UIMC1: variants seen among roughly 807,000 people sequenced by gnomAD.
The protein encoded by UIMC1 is BRCA1-A complex subunit RAP80.
Under a neutral mutation model 84.9 loss-of-function variants are expected in UIMC1, and 42 were observed. The ratio of observed to expected loss-of-function variants is 0.49; its 90% confidence interval spans 0.39 to 0.64. UIMC1 has a LOEUF of 0.64. Ranked by LOEUF, UIMC1 falls within the 30% of genes least tolerant of loss-of-function variation. The probability of loss-of-function intolerance (pLI) is 0.00; values close to 1 mark genes in which losing one functional copy is unlikely to be tolerated. For missense variants in UIMC1, 825 were observed against 847.6 expected, an observed-to-expected ratio of 0.97 and a Z score of 0.33; for synonymous variants, 281 against 293.0, an observed-to-expected ratio of 0.96 and a Z score of 0.42.
At chr5:176,929,911 T>C (rs1483974537) in intron 10 of UIMC1, among the ~76,000 whole-genome samples, 1 of 152,154 alleles carries the variant, frequency 6.6e-6, no homozygotes. Context: ...ACACTGGATA[T>C]TGTCATCAGA....
chr5:176,996,475 T>C (rs921639614), intron 1 of UIMC1, among the ~76,000 whole-genome samples: 2 of 151,934 alleles, frequency 1.3e-5, no homozygotes, highest in Non-Finnish European at 2.9e-5. Context: ...TGTAAGGAGG[T>C]TGACAAATCT....
intron 2 of UIMC1, among the ~76,000 whole-genome samples, chr5:176,977,587 AAAAAAAAAAAGAAAAG>A (rs1236498489): frequency 6.8e-6 from 1 of 146,668 alleles, no homozygotes; most frequent in African/African-American, 2.7e-5. Flanking sequence ...CATCTCAAAA[AAAAAAAAAAAGAAAAG>A]AAAAAAAAAA....
intron 6 of UIMC1, among the ~76,000 whole-genome samples, chr5:176,965,133 C>T (rs1349058133): frequency 6.6e-6 from 1 of 152,154 alleles, no homozygotes; most frequent in Non-Finnish European, 1.5e-5. Flanking sequence ...TATTTTAAAA[C>T]TTCTGAAGCC....
intron 6 of UIMC1, among the ~76,000 whole-genome samples, chr5:176,959,992 T>C (rs532425476): frequency 1.5e-4 from 22 of 151,654 alleles, no homozygotes; most frequent in Admixed American, 1.0e-3. Context: ...GATCGTGCTA[T>C]TGCACTCCAG....
At chr5:177,004,990 G>A (rs1404933869) in intron 1 of UIMC1, among the ~76,000 whole-genome samples, 1 of 152,136 alleles carries the variant, frequency 6.6e-6, no homozygotes, top group Non-Finnish European at 1.5e-5. Context: ...TGGTCCAAAG[G>A]TCAAGCAATC....
chr5:176,975,734 G>A (rs1192434768), intron 2 of UIMC1, among the ~76,000 whole-genome samples: 1 of 152,144 alleles, frequency 6.6e-6, no homozygotes, highest in South Asian at 2.1e-4. Flanking sequence ...ACAAAAACTA[G>A]TCTATCTCTA....
chr5:176,948,045 T>C (rs1765363804), intron 9 of UIMC1, among the ~76,000 whole-genome samples: 1 of 151,976 alleles, frequency 6.6e-6, no homozygotes, highest in South Asian at 2.1e-4. Flanking sequence ...TTGTTCTGGA[T>C]CTTCCCCTTC....
intron 1 of UIMC1, chr5:177,001,276 C>T (rs983196398): frequency 6.6e-6 from 1 of 152,158 alleles, no homozygotes; most frequent in Non-Finnish European, 1.5e-5. Flanking sequence ...GTCTTTTCCC[C>T]AGTGTATGTT....
chr5:176,905,607 T>C, intron 14 of UIMC1, 115 bp from the exon 15 acceptor site: 1 of 959,224 alleles, frequency 1.0e-6, no homozygotes, highest in Non-Finnish European at 1.5e-6. Flanking sequence ...CAAATAATCT[T>C]TGTAATAATC....
At chr5:176,928,695 T>C (rs1762696071) in intron 10 of UIMC1, among the ~76,000 whole-genome samples, 1 of 152,216 alleles carries the variant, frequency 6.6e-6, no homozygotes, top group Non-Finnish European at 1.5e-5. Flanking sequence ...CCCACGCCTG[T>C]AATCCCAGCA....
At chr5:176,989,944 G>C (rs543950918) in intron 1 of UIMC1, among the ~76,000 whole-genome samples, 12 of 152,218 alleles carry the variant, frequency 7.9e-5, no homozygotes, top group African/African-American at 2.9e-4. Context: ...ACTTTGGGAG[G>C]CCGAGGCAGG....
chr5:176,988,156 A>C (rs1772306535), intron 1 of UIMC1, among the ~76,000 whole-genome samples: 1 of 150,932 alleles, frequency 6.6e-6, no homozygotes, highest in Admixed American at 6.6e-5. Flanking sequence ...AAAAAACTCA[A>C]ATCATTAATC....
At chr5:176,972,914 ACTT>A (rs1222120308) in intron 3 of UIMC1, among the ~76,000 whole-genome samples, 2 of 129,380 alleles carry the variant, frequency 1.5e-5, no homozygotes, top group East Asian at 2.2e-4. Flanking sequence ...AAGTCTGGCA[ACTT>A]CTTTTTTTTT....
intron 8 of UIMC1, among the ~76,000 whole-genome samples, chr5:176,955,650 A>C (rs1480626943): frequency 6.6e-6 from 1 of 152,242 alleles, no homozygotes; most frequent in East Asian, 1.9e-4. Context: ...TGTACAGTTA[A>C]GCAAATGCTA....
intron 7 of UIMC1, 117 bp from the exon 8 acceptor site, chr5:176,956,152 T>C (rs1284639553): frequency 2.3e-6 from 2 of 866,558 alleles, no homozygotes; most frequent in African/African-American, 1.7e-5. Flanking sequence ...TGCTGCCTAA[T>C]ACCACAAAAG....
At chr5:176,933,710 A>AT (rs1438318414) in intron 10 of UIMC1, among the ~76,000 whole-genome samples, 4 of 151,564 alleles carry the variant, frequency 2.6e-5, no homozygotes, top group Non-Finnish European at 5.9e-5. Flanking sequence ...CTAATTTTTT[A>AT]TTTTTTGCAG....
intron 10 of UIMC1, among the ~76,000 whole-genome samples, chr5:176,927,514 A>C (rs1218689465): frequency 6.6e-6 from 1 of 152,144 alleles, no homozygotes; most frequent in Non-Finnish European, 1.5e-5. Flanking sequence ...TCGACCTCCC[A>C]AAGTGCTGGG....
rs753734920 is a variant in UIMC1, at chr5:176,968,509, A to C, written c.1200+46T>G. ...TAACAGCTAAAATAATCCTTGTTTT[A>C]ATCTGTGAATAAATCATCCTTAATT... is the stretch of plus-strand genomic sequence containing the variant. On this transcript the variant is annotated intron_variant, in intron 6 of 14. Coordinates refer to ENST00000511320, the MANE Select transcript of UIMC1 (RefSeq NM_001199298.2). 14 of 1,534,792 alleles carry C rather than the reference A, an allele frequency of 9.1e-6. No individual in the cohort carries two copies. The East Asian group carries it at 2.7e-4, about 30-fold the overall frequency.
chr5:176,979,321 T>C (rs578194518), intron 2 of UIMC1, among the ~76,000 whole-genome samples: 60 of 152,284 alleles, frequency 3.9e-4, no homozygotes, highest in African/African-American at 1.4e-3. Context: ...TCGTTACCTT[T>C]AGAAAGGTGG....
Sources: allele counts gnomAD v4.1 joint callset (sites outside exome capture counted in the v4.1 genomes callset), GRCh38; gene constraint gnomAD v4.1.1; transcripts MANE v1.5; gene names NCBI Gene and HGNC (gene_info 2026-07-23, HGNC 2026-07-21).